The following STARD9 variants were observed in gnomAD, a reference collection of about 807,000 sequenced individuals.
The protein encoded by STARD9 is stAR-related lipid transfer protein 9.
A neutral mutation model predicts 399.8 loss-of-function variants in STARD9; 346 were observed. That is an observed-to-expected ratio of 0.87 (90% confidence interval 0.79 to 0.95). STARD9 has a LOEUF of 0.95. Ranked by LOEUF, STARD9 falls within the 40% of genes least tolerant of loss-of-function variation. The probability of loss-of-function intolerance (pLI) is 0.00; values close to 1 mark genes in which losing one functional copy is unlikely to be tolerated. For synonymous variants in STARD9, 2,203 were observed against 2,143.5 expected, an observed-to-expected ratio of 1.03 and a Z score of -0.77; for missense variants, 5,832 against 5,667.5, an observed-to-expected ratio of 1.03 and a Z score of -0.93.
In STARD9 at chr15:42,584,670, A is replaced by G. The variant is rs530137073; in HGVS notation, c.118-851A>G. ...GTACCTGGAGGTCAGTGCAAGGCCA[A>G]GCTCTGGTTCTACTCTCATCTACCT... On this transcript the variant is annotated intron_variant, in intron 2 of 32. Coordinates refer to ENST00000290607, the MANE Select transcript of STARD9 (RefSeq NM_020759.3). 6.6e-4 allele frequency among the ~76,000 whole-genome samples: 100 copies of G among 152,268 alleles called. 1 individual carries two copies. The highest frequency in any genetic ancestry group is 2.3e-3 in the African/African-American group (97 of 41,554).
intron 3 of STARD9, among the ~76,000 whole-genome samples, chr15:42,618,382 T>C (rs1028678629): frequency 6.6e-6 from 1 of 151,958 alleles, no homozygotes; most frequent in African/African-American, 2.4e-5. Flanking sequence ...ATCCTCCTGC[T>C]TCAGTCTCCC....
intron 7 of STARD9, among the ~76,000 whole-genome samples, chr15:42,639,329 G>T (rs371805431): frequency 3.9e-5 from 6 of 152,302 alleles, no homozygotes; most frequent in African/African-American, 1.4e-4. Context: ...GGGTCTGCAG[G>T]CGCCCAATAT....
intron 3 of STARD9, among the ~76,000 whole-genome samples, chr15:42,593,999 C>G (rs1254515013): frequency 2.6e-5 from 4 of 152,084 alleles, no homozygotes; most frequent in African/African-American, 9.7e-5. Flanking sequence ...TATTTGGTCT[C>G]CACAATATAC....
intron 7 of STARD9, among the ~76,000 whole-genome samples, chr15:42,641,386 T>C (rs1030935319): frequency 3.3e-5 from 5 of 152,114 alleles, no homozygotes; most frequent in Non-Finnish European, 5.9e-5. Flanking sequence ...TAAATTATAC[T>C]TTAAGTACTA....
chr15:42,698,120 T>C (rs545764721), intron 26 of STARD9, among the ~76,000 whole-genome samples: 1 of 152,364 alleles, frequency 6.6e-6, no homozygotes, highest in Admixed American at 6.5e-5. Context: ...CATTCCATTG[T>C]AGAGTTGCAC....
At chr15:42,712,714 G>C (rs1441689812) in intron 26 of STARD9, among the ~76,000 whole-genome samples, 1 of 152,130 alleles carries the variant, frequency 6.6e-6, no homozygotes, top group Admixed American at 6.5e-5. Context: ...TTTTGTGTGT[G>C]TGTGACAGGG....
At position 42,691,887 on chromosome 15, in the gene STARD9, A is replaced by G; in HGVS notation, c.10309A>G (p.Lys3437Glu). Residue 3437 changes from lysine to glutamate, a missense_variant, in exon 23 of 33, where the codon AAG becomes GAG. By Grantham distance (56) the Lys-to-Glu change is moderately conservative. This residue lies in a region of STARD9 where 5,828 missense variants were observed against 5,651.1 expected (regional missense o/e 1.03). Coordinates refer to ENST00000290607, the MANE Select transcript of STARD9 (RefSeq NM_020759.3). ...SGTLEQAQQG[K>E]REKLGVQVRP... is the part of the protein sequence containing the mutation. The stretch of plus-strand genomic sequence containing the variant: ...TACTTTGGAACAAGCCCAACAGGGA[A>G]AGCGAGAGAAACTGGGTGTCCAGGT... 6.5e-7 allele frequency: 1 copy of G among 1,537,302 alleles called. No individual in the cohort carries two copies. Among genetic ancestry groups the G allele is most frequent in the Non-Finnish European group, 8.7e-7 (1 of 1,146,920 alleles).
intron 7 of STARD9, among the ~76,000 whole-genome samples, chr15:42,648,844 A>G (rs1292588716): frequency 6.6e-6 from 1 of 151,858 alleles, no homozygotes; most frequent in East Asian, 1.9e-4. Context: ...AATTACAGGT[A>G]TGTTAAGGCC....
chr15:42,592,064 A>G (rs2058406933), intron 3 of STARD9, among the ~76,000 whole-genome samples: 1 of 152,230 alleles, frequency 6.6e-6, no homozygotes, highest in Non-Finnish European at 1.5e-5. Context: ...AATACCATTT[A>G]GCCTACTAGT....
In STARD9 at chr15:42,686,125, ACT is replaced by A. The variant is rs1288863669; in HGVS notation, c.4550_4551del (p.Ser1517TrpfsTer8). 6.5e-7 allele frequency: 1 copy of A among 1,537,036 alleles called. No homozygotes were observed. The highest frequency in any genetic ancestry group is 1.7e-4 in the Middle Eastern group (1 of 5,990). ...CCAGCTTACCCCTACCTTGAGGAAGACTCTGGTTCCCTGGCCCAAGCTTCTAG... is the reference window on the plus strand; with the variant it reads ...CCAGCTTACCCCTACCTTGAGGAAGACTGGTTCCCTGGCCCAAGCTTCTAG... On this transcript the variant is annotated frameshift_variant, in exon 23 of 33. Transcript: ENST00000290607. LOFTEE classifies it high-confidence loss of function.
At position 42,718,856 on chromosome 15, in the gene STARD9, G is replaced by C; in HGVS notation, c.13947G>C (p.Leu4649Phe). ...RGEILPSAWI[L>F]QPITVEGKEV... Reference sequence around the variant, plus strand: ...AGATCCTGCCCAGTGCCTGGATCTTGCAGCCCATCACTGTGGAAGGGAAGG... The same window carrying C: ...AGATCCTGCCCAGTGCCTGGATCTTCCAGCCCATCACTGTGGAAGGGAAGG... Residue 4649 changes from leucine to phenylalanine, a missense_variant, in exon 32 of 33, where the codon TTG (leucine) becomes TTC (phenylalanine). Physicochemically the swap from Leu to Phe is conservative, Grantham distance 22 (BLOSUM62 0). Transcript: ENST00000290607. 2.0e-6 allele frequency: 3 copies of C among 1,537,210 alleles called. No homozygotes were observed. Among genetic ancestry groups the C allele is most frequent in the South Asian group, 1.2e-5 (1 of 84,066 alleles).
chr15:42,694,198 C>A lies in STARD9; in HGVS notation c.12620C>A (p.Ser4207Ter). ...IPLQVGAQNL[S>*]LSVELTEAKL... The stretch of plus-strand genomic sequence containing the variant: ...CTGCAAGTTGGGGCCCAGAACCTCT[C>A]ACTCAGCGTGGAACTCACAGAAGCG... Residue 4207 changes from serine to a stop codon, truncating the protein, a stop_gained, in exon 23 of 33, where the codon TCA becomes TAA. Coordinates refer to ENST00000290607, the MANE Select transcript of STARD9 (RefSeq NM_020759.3). LOFTEE classifies it high-confidence loss of function. The A allele has an allele frequency of 3.9e-6, 6 of 1,535,826 alleles. No homozygotes were observed. The highest frequency in any genetic ancestry group is 5.2e-6 in the Non-Finnish European group (6 of 1,146,254).
intron 26 of STARD9, among the ~76,000 whole-genome samples, 172 bp from the exon 27 acceptor site, chr15:42,716,505 A>G (rs1191866895): frequency 6.6e-6 from 1 of 152,060 alleles, no homozygotes; most frequent in African/African-American, 2.4e-5. Context: ...CTAGATACCT[A>G]TTTCTATTGC....
At position 42,675,901 on chromosome 15, in the gene STARD9, G is replaced by T. The variant is rs913846124; in HGVS notation, c.1800G>T (p.Ser600=). The T allele has an allele frequency of 2.0e-6, 3 of 1,537,220 alleles. No individual in the cohort carries two copies. Among genetic ancestry groups the T allele is most frequent in the Non-Finnish European group, 2.6e-6 (3 of 1,146,890 alleles). Residue 600 remains serine (S), a synonymous_variant, in exon 20 of 33, where the codon TCG becomes TCT. Coordinates refer to ENST00000290607, the MANE Select transcript of STARD9 (RefSeq NM_020759.3). ...GAGAGGCTGCTGCTGGTCGTGGCTC[G>T]TTGGAGTGGCTGGATTTGGATGGAG... ...QVGEAAAGRG[S]LEWLDLDGDL... is the part of the protein sequence containing the mutation.
At chr15:42,718,616 A>G (rs964732824) in intron 31 of STARD9, 102 bp downstream of exon 31, 16 of 1,436,258 alleles carry the variant, frequency 1.1e-5, no homozygotes, top group Non-Finnish European at 1.5e-5. Context: ...AAGGAGGGCA[A>G]ATTGGGGCTG....
intron 1 of STARD9, chr15:42,581,552 C>G: frequency 8.9e-7 from 1 of 1,123,268 alleles, no homozygotes; most frequent in East Asian, 2.6e-5. Flanking sequence ...CCGGTCTGCT[C>G]CAGCTCCTAG....
intron 1 of STARD9, among the ~76,000 whole-genome samples, chr15:42,577,767 G>T (rs1194623549): frequency 6.6e-6 from 1 of 152,206 alleles, no homozygotes; most frequent in African/African-American, 2.4e-5. Context: ...GATGGCAGCT[G>T]TTCTTCAGGG....
chr15:42,602,980 C>T (rs1337658166), intron 3 of STARD9, among the ~76,000 whole-genome samples: 2 of 152,188 alleles, frequency 1.3e-5, no homozygotes, highest in African/African-American at 4.8e-5. Flanking sequence ...TCTCCTGCCT[C>T]ATATCCAGTA....
At chr15:42,590,200 C>T (rs761590293) in intron 3 of STARD9, among the ~76,000 whole-genome samples, 19 of 147,830 alleles carry the variant, frequency 1.3e-4, no homozygotes, top group Non-Finnish European at 1.9e-4. Context: ...TGGGCTCAAA[C>T]GATCTGCCTG....
Sources: gnomAD v4.1 joint callset for allele counts (sites outside exome capture counted in the v4.1 genomes callset) on GRCh38, gnomAD v4.1.1 for gene constraint, gnomAD v4.1.1 regional missense constraint, MANE v1.5 for transcripts, NCBI Gene and HGNC (gene_info 2026-07-23, HGNC 2026-07-21) for gene names.